The following SLC38A6 variants were observed in gnomAD, a reference collection of about 807,000 sequenced individuals.
SLC38A6 encodes N system amino acid transporter NAT-1.
A neutral mutation model predicts 65.0 loss-of-function variants in SLC38A6; 73 were observed. The observed-to-expected ratio is 1.12, with a 90% CI of 0.93 to 1.37. SLC38A6 has a LOEUF of 1.37. SLC38A6 is among the 40% of genes most tolerant of loss of function. SLC38A6 has a pLI of 0.00. For missense variants in SLC38A6, 561 were observed against 531.1 expected (o/e 1.06, Z -0.55); for synonymous variants, 183 against 178.8 (o/e 1.02, Z -0.19).
intron 15 of SLC38A6, among the ~76,000 whole-genome samples, chr14:61,074,502 C>T (rs1049225647): frequency 6.6e-6 from 1 of 152,142 alleles, no homozygotes; most frequent in Non-Finnish European, 1.5e-5. Context: ...CTCTGTTCCT[C>T]TTCCTATAAA....
chr14:61,067,389 G>T (rs920797652), intron 15 of SLC38A6, among the ~76,000 whole-genome samples: 2 of 152,058 alleles, frequency 1.3e-5, no homozygotes, highest in African/African-American at 2.4e-5. Context: ...TGTCTCTTCT[G>T]CCGTCTCTGC....
intron 15 of SLC38A6, among the ~76,000 whole-genome samples, chr14:61,064,326 G>A (rs1043773337): frequency 4.6e-5 from 7 of 152,020 alleles, no homozygotes; most frequent in Non-Finnish European, 8.8e-5. Flanking sequence ...ACTTAAATAA[G>A]TCTAACTCCA....
chr14:61,065,013 C>A (rs924194750), intron 15 of SLC38A6, among the ~76,000 whole-genome samples: 3 of 152,012 alleles, frequency 2.0e-5, no homozygotes, highest in Non-Finnish European at 4.4e-5. Context: ...TCTGCTTGTG[C>A]TATATTATTT....
chr14:61,074,578 A>T (rs768461650), intron 15 of SLC38A6, among the ~76,000 whole-genome samples: 3 of 151,902 alleles, frequency 2.0e-5, no homozygotes, highest in Non-Finnish European at 4.4e-5. Context: ...TCTCCCAAAG[A>T]CCCCATCTTG....
At chr14:61,009,532 C>T (rs569487870) in intron 3 of SLC38A6, among the ~76,000 whole-genome samples, 7 of 151,572 alleles carry the variant, frequency 4.6e-5, no homozygotes. Context: ...TGCTATCCCT[C>T]CCCCTCCCCC....
chr14:61,030,736 A>G (rs1317037825), intron 6 of SLC38A6: 8 of 410,254 alleles, frequency 2.0e-5, no homozygotes, highest in Non-Finnish European at 3.1e-5. Flanking sequence ...TCTGTGAACC[A>G]TATGAAGCAC....
intron 3 of SLC38A6, among the ~76,000 whole-genome samples, chr14:61,011,558 A>G (rs1225565414): frequency 6.6e-6 from 1 of 152,150 alleles, no homozygotes; most frequent in African/African-American, 2.4e-5. Context: ...ACGTCCCATC[A>G]ATACCTAATT....
chr14:60,987,937 T>G (rs1382487331), intron 3 of SLC38A6, among the ~76,000 whole-genome samples: 2 of 152,228 alleles, frequency 1.3e-5, no homozygotes, highest in Non-Finnish European at 2.9e-5. Flanking sequence ...TGTTAGTCAT[T>G]TCAAGTATAT....
At chr14:61,019,954 T>C (rs1345506622) in intron 5 of SLC38A6, among the ~76,000 whole-genome samples, 4 of 152,134 alleles carry the variant, frequency 2.6e-5, no homozygotes, top group Admixed American at 6.6e-5. Flanking sequence ...TTTAGAGGGA[T>C]TAGTGTTCCG....
Position 61,066,524 on chromosome 14 carries a change from A to C in SLC38A6, c.1291-12286A>C, listed in dbSNP as rs528431817. 1.2e-4 allele frequency among the ~76,000 whole-genome samples: 18 copies of C among 152,196 alleles called. No individual in the cohort carries two copies. In the East Asian group the frequency reaches 2.3e-3, roughly 20 times the overall value. On this transcript the variant is annotated intron_variant, in intron 15 of 16. Coordinates refer to the SLC38A6 transcript ENST00000354886. ...TTGAGTTGCCAGGGAGAAAAAAAAA[A>C]CACAAAAACAGATGGATGAAAAGAC...
chr14:61,006,966 A>AT (rs2039175258), intron 3 of SLC38A6, among the ~76,000 whole-genome samples: 1 of 152,230 alleles, frequency 6.6e-6, no homozygotes, highest in Non-Finnish European at 1.5e-5. Flanking sequence ...AATGTGGCAC[A>AT]TATACACCAT....
At chr14:61,017,481 G>A (rs763764951) in intron 4 of SLC38A6, among the ~76,000 whole-genome samples, 11 of 152,166 alleles carry the variant, frequency 7.2e-5, no homozygotes, top group Admixed American at 2.6e-4. Context: ...TTCCTTAGTA[G>A]CAATGTTTCT....
At chr14:61,072,341 G>A (rs2043258591) in intron 15 of SLC38A6, among the ~76,000 whole-genome samples, 1 of 151,892 alleles carries the variant, frequency 6.6e-6, no homozygotes, top group Non-Finnish European at 1.5e-5. Context: ...TGGAGAATGG[G>A]GTATCCATCC....
rs547604724 is a variant in SLC38A6, at chr14:61,027,614, T to A, written c.404-2831T>A. ...ATCAATAGTATATCTTTAAAACTTT[T>A]CCAGTTCATTTTATTGAGCTGATTG... On this transcript the variant is annotated intron_variant, in intron 5 of 15. Transcript: ENST00000267488. Among the ~76,000 whole-genome samples the A allele has an allele frequency of 2.6e-5, 4 of 152,278 alleles. No individual in the cohort carries two copies. In the South Asian group the frequency reaches 8.3e-4, roughly 32 times the overall value.
intron 3 of SLC38A6, among the ~76,000 whole-genome samples, chr14:61,013,883 A>T (rs996519277): frequency 2.6e-5 from 4 of 152,046 alleles, no homozygotes; most frequent in Admixed American, 2.0e-4. Flanking sequence ...CTTCTCGTGG[A>T]GTATGTTAGT....
chr14:61,039,009 A>C (rs2041599702), intron 8 of SLC38A6, among the ~76,000 whole-genome samples: 1 of 152,244 alleles, frequency 6.6e-6, no homozygotes, highest in South Asian at 2.1e-4. Context: ...GATATTAAAG[A>C]GAATCAGTAT....
At chr14:61,011,028 T>C (rs2039522473) in intron 3 of SLC38A6, among the ~76,000 whole-genome samples, 2 of 152,198 alleles carry the variant, frequency 1.3e-5, no homozygotes, top group Admixed American at 1.3e-4. Context: ...TGGAATGTTC[T>C]TCCATTTGTT....
At chr14:61,076,561 G>C (rs2043426668) in intron 15 of SLC38A6, among the ~76,000 whole-genome samples, 1 of 152,258 alleles carries the variant, frequency 6.6e-6, no homozygotes, top group East Asian at 1.9e-4. Context: ...GACTATAAAG[G>C]CTGTGTGCTT....
At chr14:61,019,122 T>C (rs926248186) in intron 4 of SLC38A6, among the ~76,000 whole-genome samples, 4 of 152,206 alleles carry the variant, frequency 2.6e-5, no homozygotes, top group Admixed American at 6.5e-5. Context: ...AGAAAACTTA[T>C]ATCATTTCCT....
Sources: gnomAD v4.1 joint callset for allele counts (sites outside exome capture counted in the v4.1 genomes callset) on GRCh38, gnomAD v4.1.1 for gene constraint, MANE v1.5 for transcripts, NCBI Gene and HGNC (gene_info 2026-07-23, HGNC 2026-07-21) for gene names.